Variants in RBM47 observed in about 807,000 individuals in gnomAD.
RBM47 encodes the protein RNA-binding protein 47.
RBM47 carries 21 observed loss-of-function variants against 47.1 expected under a neutral mutation model. The observed-to-expected ratio is 0.45, with a 90% CI of 0.32 to 0.64. The LOEUF (loss-of-function observed/expected upper bound fraction) is 0.64. RBM47 is among the 30% of genes least tolerant of loss of function. RBM47 has a pLI of 0.05. For missense variants in RBM47, 708 were observed against 870.9 expected (o/e 0.81, Z 2.35); for synonymous variants, 375 against 361.7 (o/e 1.04, Z -0.42).
At chr4:40,462,285 C>T (rs1018523059) in intron 3 of RBM47, among the ~76,000 whole-genome samples, 4 of 152,206 alleles carry the variant, frequency 2.6e-5, no homozygotes, top group Admixed American at 6.5e-5. Context: ...GTTTTGGAAA[C>T]ATAGTTAGCA....
At chr4:40,594,168 C>T (rs993614815) in intron 1 of RBM47, among the ~76,000 whole-genome samples, 9 of 152,292 alleles carry the variant, frequency 5.9e-5, no homozygotes, top group Admixed American at 3.9e-4. Flanking sequence ...GCCCTGTTTC[C>T]TCCACCAGCA....
chr4:40,534,710 G>A (rs1165190740), intron 2 of RBM47, among the ~76,000 whole-genome samples: 2 of 152,046 alleles, frequency 1.3e-5, no homozygotes, highest in Non-Finnish European at 1.5e-5. Context: ...CGAGGCAGGC[G>A]GATCACGAGG....
chr4:40,475,923 A>G (rs777415736), intron 2 of RBM47, among the ~76,000 whole-genome samples: 2 of 152,220 alleles, frequency 1.3e-5, no homozygotes, highest in Non-Finnish European at 2.9e-5. Context: ...TAAAACTGCC[A>G]CAAAGATAAT....
At chr4:40,520,830 G>C (rs111736899) in intron 2 of RBM47, among the ~76,000 whole-genome samples, 1 of 152,182 alleles carries the variant, frequency 6.6e-6, no homozygotes, top group Non-Finnish European at 1.5e-5. Context: ...TAGGAGAGGG[G>C]AGATCAGTCT....
intron 3 of RBM47, among the ~76,000 whole-genome samples, chr4:40,460,888 CAAA>C (rs35536750): frequency 2.7e-4 from 25 of 92,936 alleles, no homozygotes; most frequent in Middle Eastern, 5.4e-3. Context: ...GACTCTGTCT[CAAA>C]AAAAAAAAAA....
chr4:40,507,104 G>A (rs1724202364), intron 2 of RBM47, among the ~76,000 whole-genome samples: 1 of 151,928 alleles, frequency 6.6e-6, no homozygotes, highest in Non-Finnish European at 1.5e-5. Flanking sequence ...TCAAAGGCAT[G>A]CGCCACCACA....
At chr4:40,607,639 C>A (rs921874695) in intron 1 of RBM47, among the ~76,000 whole-genome samples, 1 of 152,076 alleles carries the variant, frequency 6.6e-6, no homozygotes, top group East Asian at 1.9e-4. Context: ...CCTGGGAGAT[C>A]GGGGCTGCAG....
intron 2 of RBM47, among the ~76,000 whole-genome samples, chr4:40,497,541 T>C (rs909266411): frequency 1.3e-5 from 2 of 151,692 alleles, no homozygotes. Flanking sequence ...ATGGCTTGAG[T>C]CCAGGAAGTC....
chr4:40,517,064 A>C (rs762654812), intron 2 of RBM47, among the ~76,000 whole-genome samples: 3 of 151,880 alleles, frequency 2.0e-5, no homozygotes, highest in Non-Finnish European at 2.9e-5. Flanking sequence ...TCCACTCTGC[A>C]TTAGGGTATT....
intron 1 of RBM47, among the ~76,000 whole-genome samples, chr4:40,581,434 T>TAATAAATAAATAAATA (rs375591976): frequency 0.051 from 7,135 of 138,922 alleles, 232 homozygotes; most frequent in East Asian, 0.078. Flanking sequence ...AAAAAAGTAA[T>TAATAAATAAATAAATA]AATAAATAAA....
intron 1 of RBM47, among the ~76,000 whole-genome samples, chr4:40,598,309 T>C (rs990562229): frequency 1.3e-5 from 2 of 152,148 alleles, no homozygotes; most frequent in Non-Finnish European, 2.9e-5. Context: ...TGCAGTTGTG[T>C]GATCTCAGCT....
At chr4:40,586,317 C>T (rs1409189092) in intron 1 of RBM47, among the ~76,000 whole-genome samples, 1 of 152,026 alleles carries the variant, frequency 6.6e-6, no homozygotes, top group Non-Finnish European at 1.5e-5. Context: ...CTGTCAAACA[C>T]CTTGAAAAGA....
At chr4:40,539,596 C>T (rs777903282) in intron 2 of RBM47, among the ~76,000 whole-genome samples, 2 of 151,460 alleles carry the variant, frequency 1.3e-5, no homozygotes, top group African/African-American at 2.4e-5. Context: ...AAAAATTAGC[C>T]GAGCGTGGTG....
chr4:40,494,290 T>C lies in RBM47; in HGVS notation c.-154-27591A>G, dbSNP rs77801247. Among the ~76,000 whole-genome samples the C allele has an allele frequency of 4.3e-4, 66 of 152,294 alleles. 1 individual carries two copies. In the East Asian group the frequency reaches 0.012, roughly 28 times the overall value. ...CTCTTGAAATAAAGCAGTGAGATAATGTTAACATGAGTCCCTTCTGATCAG... is the reference window on the plus strand; with the variant it reads ...CTCTTGAAATAAAGCAGTGAGATAACGTTAACATGAGTCCCTTCTGATCAG... On this transcript the variant is annotated intron_variant, in intron 2 of 6. Coordinates refer to ENST00000295971, the MANE Select transcript of RBM47 (RefSeq NM_001098634.2).
chr4:40,618,370 G>A (rs1736934407), intron 1 of RBM47, among the ~76,000 whole-genome samples: 1 of 152,134 alleles, frequency 6.6e-6, no homozygotes, highest in Non-Finnish European at 1.5e-5. Flanking sequence ...TTTACAGTGA[G>A]CAATGTCACG....
At chr4:40,566,606 C>G (rs1007636868) in intron 1 of RBM47, among the ~76,000 whole-genome samples, 18 of 151,984 alleles carry the variant, frequency 1.2e-4, no homozygotes, top group African/African-American at 4.1e-4. Flanking sequence ...GATAGCGCCA[C>G]TACACTCCAC....
chr4:40,619,368 C>A (rs543197828), intron 1 of RBM47, among the ~76,000 whole-genome samples: 3 of 152,124 alleles, frequency 2.0e-5, no homozygotes, highest in Non-Finnish European at 4.4e-5. Flanking sequence ...TTTAAGACTG[C>A]AGTGAGCCAT....
At chr4:40,468,733 A>G (rs1323937639) in intron 2 of RBM47, among the ~76,000 whole-genome samples, 4 of 152,214 alleles carry the variant, frequency 2.6e-5, no homozygotes, top group Non-Finnish European at 5.9e-5. Flanking sequence ...TGATCTCCTG[A>G]AAGAAAAAAA....
chr4:40,589,383 T>C (rs1024480966), intron 1 of RBM47, among the ~76,000 whole-genome samples: 1 of 152,226 alleles, frequency 6.6e-6, no homozygotes. Context: ...CTAGCATCCA[T>C]TGAACTGTAC....
Sources: gnomAD v4.1 joint callset for allele counts (sites outside exome capture counted in the v4.1 genomes callset) on GRCh38, gnomAD v4.1.1 for gene constraint, MANE v1.5 for transcripts, NCBI Gene and HGNC (gene_info 2026-07-23, HGNC 2026-07-21) for gene names.